Variants in CNTN4 observed in about 807,000 individuals in gnomAD.
The protein encoded by CNTN4 is contactin-4.
In CNTN4, 77 loss-of-function variants were observed where a neutral mutation model predicts 122.5. The ratio of observed to expected loss-of-function variants is 0.63; its 90% CI spans 0.52 to 0.76. The LOEUF (loss-of-function observed/expected upper bound fraction) is 0.76, where lower values mean the gene tolerates loss of function less well. CNTN4 is among the 30% of genes least tolerant of loss of function. CNTN4 has a pLI of 0.00. For missense variants in CNTN4, 1,256 were observed against 1,259.1 expected (o/e 1.00, Z 0.04); for synonymous variants, 512 against 447.0 (o/e 1.15, Z -1.83).
rs77257175 is a variant in CNTN4, at chr3:2,433,983, G to A, written c.-89+94750G>A. ...GAACTCATAGAAGTAGAGAGTGATG[G>A]TTACCAGAGGCTGGGGGAGGGATTG... is the stretch of plus-strand genomic sequence containing the variant. On this transcript the variant is annotated intron_variant, in intron 3 of 24. Coordinates refer to ENST00000418658, the MANE Select transcript of CNTN4 (RefSeq NM_175607.3). Among the ~76,000 whole-genome samples the A allele has an allele frequency of 5.0e-3, 755 of 152,214 alleles. 3 individuals are homozygous for A. The highest frequency in any genetic ancestry group is 0.016 in the African/African-American group (678 of 41,552).
chr3:2,742,199 C>CA (rs398105527), intron 5 of CNTN4, among the ~76,000 whole-genome samples: 1 of 3,404 alleles, frequency 2.9e-4, no homozygotes, highest in South Asian at 7.2e-3. Context: ...ACTAGGTTCT[C>CA]TCCTCAGACA....
At chr3:2,544,642 C>A (rs1318511509) in intron 3 of CNTN4, among the ~76,000 whole-genome samples, 1 of 151,970 alleles carries the variant, frequency 6.6e-6, no homozygotes, top group African/African-American at 2.4e-5. Flanking sequence ...TCTAGATTTT[C>A]TAGTTTGTGT....
At chr3:2,737,876 T>G (rs1262978928) in intron 5 of CNTN4, among the ~76,000 whole-genome samples, 2 of 152,188 alleles carry the variant, frequency 1.3e-5, no homozygotes, top group Non-Finnish European at 2.9e-5. Context: ...GCACAGGTAA[T>G]TGTGTCTTTC....
intron 12 of CNTN4, among the ~76,000 whole-genome samples, chr3:2,914,876 A>T (rs1395969015): frequency 6.6e-6 from 1 of 152,226 alleles, no homozygotes; most frequent in Non-Finnish European, 1.5e-5. Flanking sequence ...GAAATTGTCA[A>T]CAAAATACTA....
intron 4 of CNTN4, among the ~76,000 whole-genome samples, chr3:2,656,710 C>T (rs540716830): frequency 1.3e-5 from 2 of 152,324 alleles, no homozygotes; most frequent in Admixed American, 6.5e-5. Context: ...GCAGTACTAG[C>T]TTATGTACAA....
chr3:2,557,442 G>T, intron 3 of CNTN4, among the ~76,000 whole-genome samples: 1 of 152,066 alleles, frequency 6.6e-6, no homozygotes, highest in East Asian at 1.9e-4. Context: ...TAATATGCAT[G>T]GTAGGCCAGG....
chr3:2,811,455 A>C (rs1188164813), intron 6 of CNTN4, among the ~76,000 whole-genome samples: 1 of 129,304 alleles, frequency 7.7e-6, no homozygotes, highest in African/African-American at 2.6e-5. Flanking sequence ...TTATTTTATT[A>C]TTTATTTATT....
chr3:2,455,510 A>G (rs2048966710), intron 3 of CNTN4, among the ~76,000 whole-genome samples: 2 of 152,002 alleles, frequency 1.3e-5, no homozygotes, highest in Non-Finnish European at 2.9e-5. Context: ...CTTTGCTTCT[A>G]TACTTTACTT....
chr3:2,633,942 T>G (rs982358638), intron 4 of CNTN4, among the ~76,000 whole-genome samples: 1 of 152,216 alleles, frequency 6.6e-6, no homozygotes, highest in Non-Finnish European at 1.5e-5. Context: ...CTTTCAACAT[T>G]GTTGATATTG....
At chr3:2,974,908 T>C (rs1006192867) in intron 13 of CNTN4, among the ~76,000 whole-genome samples, 9 of 152,228 alleles carry the variant, frequency 5.9e-5, no homozygotes, top group African/African-American at 2.2e-4. Context: ...AATTAAAACA[T>C]TTTTTGTTTC....
chr3:2,207,980 G>C (rs928817172), intron 2 of CNTN4, among the ~76,000 whole-genome samples: 8 of 152,036 alleles, frequency 5.3e-5, no homozygotes, highest in African/African-American at 1.9e-4. Context: ...CAATGCACTT[G>C]GTCACCTAAG....
intron 6 of CNTN4, among the ~76,000 whole-genome samples, chr3:2,807,825 A>G (rs1368434327): frequency 4.6e-5 from 7 of 152,358 alleles, no homozygotes; most frequent in African/African-American, 1.7e-4. Flanking sequence ...CATGGATGCC[A>G]GGAAGTACTG....
At chr3:2,109,949 A>C (rs538161982) in intron 2 of CNTN4, among the ~76,000 whole-genome samples, 1 of 152,268 alleles carries the variant, frequency 6.6e-6, no homozygotes. Context: ...GTAAAAAATT[A>C]TAGTACAAAC....
chr3:2,248,130 G>C (rs2040227553), intron 2 of CNTN4, among the ~76,000 whole-genome samples: 1 of 151,874 alleles, frequency 6.6e-6, no homozygotes, highest in South Asian at 2.1e-4. Flanking sequence ...ACCTATAAAA[G>C]TTCCTGGCTC....
chr3:2,482,749 C>G (rs1354364050), intron 3 of CNTN4, among the ~76,000 whole-genome samples: 1 of 152,196 alleles, frequency 6.6e-6, no homozygotes, highest in Non-Finnish European at 1.5e-5. Flanking sequence ...CAAGCCTAGG[C>G]AGCTTCCACA....
intron 3 of CNTN4, among the ~76,000 whole-genome samples, chr3:2,402,873 G>A (rs1318020869): frequency 6.6e-6 from 1 of 152,154 alleles, no homozygotes; most frequent in Non-Finnish European, 1.5e-5. Flanking sequence ...ACAAATTGCT[G>A]TGATTGCAAT....
At position 2,902,909 on chromosome 3, in the gene CNTN4, A is replaced by G. The variant is rs1372774754; in HGVS notation, c.1111A>G (p.Ile371Val). The change falls in exon 12 of 25, where the codon ATA (isoleucine) becomes GTA (valine). Residue 371 changes from isoleucine (I) to valine (V), a missense_variant. Transcript: ENST00000418658. ...TCAAATTGAGCAAGGAACACTCAAC[A>G]TAACAATAGTGAACCTCTCAGATGC... Reference protein sequence around the residue: ...RIQIEQGTLNITIVNLSDAGM... With the variant: ...RIQIEQGTLNVTIVNLSDAGM... The G allele has an allele frequency of 1.2e-6, 2 of 1,613,814 alleles. No individual in the cohort carries two copies. Among genetic ancestry groups the G allele is most frequent in the East Asian group, 2.2e-5 (1 of 44,832 alleles).
At chr3:2,992,699 C>G (rs1422649959) in intron 14 of CNTN4, among the ~76,000 whole-genome samples, 1 of 152,160 alleles carries the variant, frequency 6.6e-6, no homozygotes, top group African/African-American at 2.4e-5. Flanking sequence ...TATTGATTAT[C>G]TCCAGGACTC....
chr3:2,812,034 G>A (rs547041465), intron 6 of CNTN4, among the ~76,000 whole-genome samples: 19 of 152,166 alleles, frequency 1.2e-4, no homozygotes, highest in African/African-American at 3.9e-4. Flanking sequence ...GACAGAAAAC[G>A]AAATACCACA....
Sources: allele counts gnomAD v4.1 joint callset (sites outside exome capture counted in the v4.1 genomes callset), GRCh38; gene constraint gnomAD v4.1.1; transcripts MANE v1.5; gene names NCBI Gene and HGNC (gene_info 2026-07-23, HGNC 2026-07-21).